Variants in GULP1 observed in about 807,000 individuals in gnomAD.
GULP1 encodes the protein PTB domain-containing engulfment adapter protein 1.
A neutral mutation model predicts 40.9 loss-of-function variants in GULP1; 19 were observed. The observed-to-expected ratio is 0.46, with a 90% CI of 0.32 to 0.68. GULP1 has a LOEUF of 0.68. Among genes scored for constraint, GULP1 ranks in the 30% least tolerant of loss-of-function variants. The pLI, the probability that GULP1 is intolerant of heterozygous loss-of-function variation, is 0.03. For missense variants in GULP1, 312 were observed against 362.2 expected, an observed-to-expected ratio of 0.86 and a Z score of 1.12; for synonymous variants, 119 against 117.6, an observed-to-expected ratio of 1.01 and a Z score of -0.08.
intron 1 of GULP1, among the ~76,000 whole-genome samples, chr2:188,375,538 T>G (rs2048186686): frequency 6.6e-6 from 1 of 152,220 alleles, no homozygotes; most frequent in African/African-American, 2.4e-5. Flanking sequence ...TGTGACTGTT[T>G]ACAAAAGTGC....
chr2:188,398,229 G>A (rs1002344194), intron 2 of GULP1, among the ~76,000 whole-genome samples: 5 of 152,158 alleles, frequency 3.3e-5, no homozygotes, highest in African/African-American at 4.8e-5. Flanking sequence ...AAAGTGCTAC[G>A]TTTCCAACAC....
At chr2:188,473,064 A>G (rs944132089) in intron 2 of GULP1, among the ~76,000 whole-genome samples, 1 of 152,212 alleles carries the variant, frequency 6.6e-6, no homozygotes, top group African/African-American at 2.4e-5. Context: ...GGTCTTGGAC[A>G]AGATCTGAAA....
intron 2 of GULP1, among the ~76,000 whole-genome samples, chr2:188,427,641 C>G (rs2056376793): frequency 6.6e-6 from 1 of 152,204 alleles, no homozygotes; most frequent in Non-Finnish European, 1.5e-5. Flanking sequence ...TGATGTTAAA[C>G]CAGCAGGTAT....
At chr2:188,456,896 A>C (rs2059314742) in intron 2 of GULP1, among the ~76,000 whole-genome samples, 1 of 152,172 alleles carries the variant, frequency 6.6e-6, no homozygotes, top group Non-Finnish European at 1.5e-5. Context: ...GATTTGCTGG[A>C]TCAGTATGAC....
chr2:188,556,990 C>T (rs1362336680), intron 7 of GULP1, among the ~76,000 whole-genome samples: 2 of 151,496 alleles, frequency 1.3e-5, no homozygotes, highest in Admixed American at 6.6e-5. Flanking sequence ...TGCCACTGCA[C>T]TCCAGCCTGG....
chr2:188,425,886 G>A (rs2056130365), intron 2 of GULP1, among the ~76,000 whole-genome samples: 1 of 151,972 alleles, frequency 6.6e-6, no homozygotes, highest in Non-Finnish European at 1.5e-5. Flanking sequence ...ATCTAGGATC[G>A]TATTTTCATT....
intron 1 of GULP1, among the ~76,000 whole-genome samples, chr2:188,331,144 C>G (rs1164584397): frequency 6.6e-6 from 1 of 152,092 alleles, no homozygotes; most frequent in Non-Finnish European, 1.5e-5. Context: ...TTCTTTTTGT[C>G]TCTGAAGTAT....
chr2:188,447,747 A>G (rs2058514144), intron 2 of GULP1, among the ~76,000 whole-genome samples: 4 of 152,220 alleles, frequency 2.6e-5, no homozygotes, highest in African/African-American at 4.8e-5. Flanking sequence ...AATAGATAGT[A>G]TATCAACTCT....
At chr2:188,352,608 T>TCCCCCA (rs773746742) in intron 1 of GULP1, among the ~76,000 whole-genome samples, 1 of 43,436 alleles carries the variant, frequency 2.3e-5, no homozygotes. Context: ...TCTTTCTCTC[T>TCCCCCA]CTCTCTCTCT....
At chr2:188,368,939 G>GTATACA (rs2047199561) in intron 1 of GULP1, among the ~76,000 whole-genome samples, 4 of 86,082 alleles carry the variant, frequency 4.6e-5, no homozygotes, top group African/African-American at 1.6e-4. Flanking sequence ...ATATATGTGT[G>GTATACA]TATATATATA....
chr2:188,405,507 G>A (rs1207910114), intron 2 of GULP1, among the ~76,000 whole-genome samples: 2 of 152,176 alleles, frequency 1.3e-5, no homozygotes, highest in African/African-American at 4.8e-5. Flanking sequence ...CTGTCCTAGT[G>A]CCTGGCTGGC....
chr2:188,387,579 A>G (rs945054490), intron 2 of GULP1, among the ~76,000 whole-genome samples: 3 of 152,206 alleles, frequency 2.0e-5, no homozygotes, highest in Admixed American at 1.3e-4. Flanking sequence ...TTGGGAATTG[A>G]GGAACACTTT....
At chr2:188,532,132 A>G (rs576609854) in intron 6 of GULP1, among the ~76,000 whole-genome samples, 1 of 152,210 alleles carries the variant, frequency 6.6e-6, no homozygotes, top group South Asian at 2.1e-4. Context: ...TGTTCTTGTT[A>G]TTTTTTATTT....
At chr2:188,293,482 A>T (rs2105825143) in intron 1 of GULP1, among the ~76,000 whole-genome samples, 1 of 152,350 alleles carries the variant, frequency 6.6e-6, no homozygotes, top group Non-Finnish European at 1.5e-5. Context: ...AAAATGGGTG[A>T]TTAGGTGCTA....
chr2:188,520,623 GCCTCC>G (rs2065659266), intron 4 of GULP1, among the ~76,000 whole-genome samples: 2 of 151,876 alleles, frequency 1.3e-5, no homozygotes, highest in African/African-American at 2.4e-5. Context: ...TTACTCTCTA[GCCTCC>G]ATTTGTTCAT....
chr2:188,292,051 C>G lies in GULP1; in HGVS notation c.-287C>G, dbSNP rs988438792. The G allele has an allele frequency of 6.6e-6, 1 of 152,262 alleles. No individual in the cohort carries two copies. The highest frequency in any genetic ancestry group is 1.5e-5 in the Non-Finnish European group (1 of 68,094). 9.4% of individuals were successfully genotyped at this position (152,262 alleles called of 1,614,324 possible). A position where few individuals can be genotyped will look rare whatever the true frequency, so the allele number is the denominator to read the frequency against. ...GTGTTGGCGTAGAGAAACTTTCCCT[C>G]TCGGCCTCGGAGACGGCGCCCCGGC... On this transcript the variant is annotated 5_prime_UTR_variant, in exon 1 of 12. Coordinates refer to ENST00000409830, the MANE Select transcript of GULP1 (RefSeq NM_016315.4). The surrounding 1 kb of genome is among the most constrained non-coding windows in gnomAD (Gnocchi z 4.0).
intron 2 of GULP1, among the ~76,000 whole-genome samples, chr2:188,470,310 C>A (rs904801415): frequency 7.9e-5 from 12 of 152,006 alleles, no homozygotes; most frequent in African/African-American, 2.9e-4. Flanking sequence ...GGAATTTGTC[C>A]ATTTATTCTA....
At chr2:188,583,909 T>C (rs1394381473) in intron 9 of GULP1, among the ~76,000 whole-genome samples, 1 of 152,238 alleles carries the variant, frequency 6.6e-6, no homozygotes, top group Non-Finnish European at 1.5e-5. Context: ...TATTTTTACA[T>C]GAATAGTTTC....
chr2:188,433,564 A>G (rs1401516753), intron 2 of GULP1, among the ~76,000 whole-genome samples: 1 of 152,126 alleles, frequency 6.6e-6, no homozygotes, highest in Admixed American at 6.6e-5. Flanking sequence ...TCCAGGGCTC[A>G]GGACGACTAA....
Sources: allele counts gnomAD v4.1 joint callset (sites outside exome capture counted in the v4.1 genomes callset), GRCh38; gene constraint gnomAD v4.1.1; non-coding constraint Gnocchi (gnomAD v3.1); transcripts MANE v1.5; gene names NCBI Gene and HGNC (gene_info 2026-07-23, HGNC 2026-07-21).